CATSPERE: variants seen among roughly 807,000 people sequenced by gnomAD.
CATSPERE encodes the protein catsper channel auxiliary subunit epsilon.
Under a neutral mutation model 114.1 loss-of-function variants are expected in CATSPERE, and 93 were observed. The ratio of observed to expected loss-of-function variants is 0.81; its 90% CI spans 0.69 to 0.97. The LOEUF (loss-of-function observed/expected upper bound fraction) is 0.97. Among genes scored for constraint, CATSPERE ranks in the 50% least tolerant of loss-of-function variants. CATSPERE has a pLI of 0.00. For synonymous variants in CATSPERE, 341 were observed against 384.1 expected (o/e 0.89, Z 1.31); for missense variants, 1,058 against 1,131.6 (o/e 0.93, Z 0.93).
At chr1:244,564,463 T>C (rs1038634274) in intron 10 of CATSPERE, among the ~76,000 whole-genome samples, 1 of 152,212 alleles carries the variant, frequency 6.6e-6, no homozygotes, top group Non-Finnish European at 1.5e-5. Context: ...AAGAGGTCCT[T>C]TACATCCCTT....
rs574584619 is a variant in CATSPERE, at chr1:244,510,002, T to TTTTG, written c.430-8587_430-8586insGTTT. On this transcript the variant is annotated intron_variant, in intron 7 of 21. Transcript: ENST00000366534. ...GTCACTCTAAGTAGCAGTTTATCGA[T>TTTTG]TTTATCTTTTTTAAAAATCAACTTT... 9.2e-5 allele frequency among the ~76,000 whole-genome samples: 14 copies of TTTTG among 152,256 alleles called. 1 individual carries two copies. In the South Asian group the frequency reaches 1.5e-3, roughly 16 times the overall value.
chr1:244,605,915 A>C (rs1323146626), intron 18 of CATSPERE, 121 bp downstream of exon 18: 1 of 568,554 alleles, frequency 1.8e-6, no homozygotes, highest in African/African-American at 1.9e-5. Context: ...TAGGAAAAAA[A>C]TCACCTCTAG....
At chr1:244,482,188 C>G (rs1041637122) in intron 5 of CATSPERE, among the ~76,000 whole-genome samples, 2 of 152,142 alleles carry the variant, frequency 1.3e-5, no homozygotes, top group Non-Finnish European at 2.9e-5. Flanking sequence ...ATAATGAGGC[C>G]TAGCATTGTG....
intron 20 of CATSPERE, 89 bp from the exon 21 acceptor site, chr1:244,635,400 T>C: frequency 1.1e-6 from 1 of 904,688 alleles, no homozygotes; most frequent in South Asian, 1.5e-5. Context: ...GGATTATATA[T>C]GGTTTGATTG....
At chr1:244,593,177 T>C (rs1305773968) in intron 15 of CATSPERE, among the ~76,000 whole-genome samples, 2 of 152,082 alleles carry the variant, frequency 1.3e-5, no homozygotes, top group Non-Finnish European at 2.9e-5. Context: ...TTTCTGAGAA[T>C]AGTACCAGAT....
upstream of CATSPERE, among the ~76,000 whole-genome samples, chr1:244,457,810 A>C (rs999881881): frequency 1.3e-5 from 2 of 152,226 alleles, no homozygotes; most frequent in African/African-American, 4.8e-5. Context: ...CTTATTTGGT[A>C]CAAAAATCAT....
At chr1:244,618,301 CA>C (rs1671655599) in intron 20 of CATSPERE, among the ~76,000 whole-genome samples, 1 of 152,006 alleles carries the variant, frequency 6.6e-6, no homozygotes, top group African/African-American at 2.4e-5. Flanking sequence ...CAAAGGAAGG[CA>C]GAAAGTGCTC....
Position 244,621,105 on chromosome 1 carries a change from AAT to A in CATSPERE, c.2648+3429_2648+3430del, listed in dbSNP as rs1282465091. 6.8e-3 allele frequency among the ~76,000 whole-genome samples: 404 copies of A among 58,990 alleles called. 29 individuals carry two copies. The highest frequency in any genetic ancestry group is 0.027 in the African/African-American group (388 of 14,544). 38.7% of individuals were successfully genotyped at this position (58,990 alleles called of 152,430 possible). A position where few individuals can be genotyped will look rare whatever the true frequency, so the allele number is the denominator to read the frequency against. On this transcript the variant is annotated intron_variant, in intron 20 of 21. Transcript: ENST00000366534. The stretch of plus-strand genomic sequence containing the variant: ...TATAAATATATATAAAATATATATA[AAT>A]ATATATATAATATATATATAAATAT...
intron 1 of CATSPERE, among the ~76,000 whole-genome samples, chr1:244,455,032 G>C (rs919235361): frequency 2.9e-4 from 44 of 152,222 alleles, no homozygotes; most frequent in South Asian, 4.2e-4. Flanking sequence ...TTTTAGGTTA[G>C]CCCTAAGAAT....
chr1:244,533,223 T>C (rs926783802), intron 8 of CATSPERE, among the ~76,000 whole-genome samples: 1 of 152,158 alleles, frequency 6.6e-6, no homozygotes, highest in African/African-American at 2.4e-5. Flanking sequence ...TTTTCCATTC[T>C]TTTATTTTCA....
At chr1:244,626,253 A>G (rs1673176892) in intron 20 of CATSPERE, among the ~76,000 whole-genome samples, 1 of 152,126 alleles carries the variant, frequency 6.6e-6, no homozygotes, top group African/African-American at 2.4e-5. Context: ...TTGGGAGGCC[A>G]AGGTGGGTGG....
At chr1:244,468,138 G>A (rs1355335690) in intron 2 of CATSPERE, among the ~76,000 whole-genome samples, 1 of 150,642 alleles carries the variant, frequency 6.6e-6, no homozygotes, top group African/African-American at 2.4e-5. Context: ...CTGTCACCCA[G>A]GCTGGAGTGC....
At chr1:244,632,962 T>A (rs914356953) in intron 20 of CATSPERE, among the ~76,000 whole-genome samples, 1 of 152,122 alleles carries the variant, frequency 6.6e-6, no homozygotes, top group African/African-American at 2.4e-5. Context: ...TAAACCATGC[T>A]AATAGTAGTC....
intron 8 of CATSPERE, among the ~76,000 whole-genome samples, chr1:244,544,704 T>C (rs1255884191): frequency 6.6e-6 from 1 of 152,214 alleles, no homozygotes; most frequent in Non-Finnish European, 1.5e-5. Context: ...CACGTCCCTA[T>C]TCAACTTATC....
intron 7 of CATSPERE, among the ~76,000 whole-genome samples, chr1:244,511,869 C>T (rs1675822818): frequency 6.6e-6 from 1 of 152,206 alleles, no homozygotes; most frequent in African/African-American, 2.4e-5. Context: ...ATCTCATTCT[C>T]TCCTGGCCTA....
At chr1:244,552,265 A>G in intron 8 of CATSPERE, 57 bp from the exon 9 acceptor site, 1 of 1,535,758 alleles carries the variant, frequency 6.5e-7, no homozygotes, top group Non-Finnish European at 8.7e-7. Flanking sequence ...TATCAACTGT[A>G]CAAGATGGAT....
intron 8 of CATSPERE, among the ~76,000 whole-genome samples, chr1:244,523,367 C>T (rs916176769): frequency 1.4e-5 from 2 of 143,398 alleles, no homozygotes; most frequent in Non-Finnish European, 3.0e-5. Context: ...ATGACAAAGC[C>T]ACAGCCAATA....
intron 1 of CATSPERE, among the ~76,000 whole-genome samples, chr1:244,454,835 C>T (rs1665984527): frequency 6.6e-6 from 1 of 151,924 alleles, no homozygotes; most frequent in South Asian, 2.1e-4. Flanking sequence ...GGTTTAGGAC[C>T]CCTATAAGCC....
In CATSPERE at chr1:244,639,913, T is replaced by C; in HGVS notation, c.2703-15T>C. On this transcript the variant is annotated splice_polypyrimidine_tract_variant and intron_variant, in intron 21 of 21. Transcript: ENST00000366534. ...AATGACTTCTAATGCCTTTTTTTTT[T>C]TTTTCTGATTTCAGTCCAAGTGTCT... The C allele has an allele frequency of 6.5e-7, 1 of 1,527,650 alleles. No individual in the cohort carries two copies. 94.6% of individuals were successfully genotyped at this position (1,527,650 alleles called of 1,614,324 possible).
Sources: allele counts gnomAD v4.1 joint callset (sites outside exome capture counted in the v4.1 genomes callset), GRCh38; gene constraint gnomAD v4.1.1; transcripts MANE v1.5; gene names NCBI Gene and HGNC (gene_info 2026-07-23, HGNC 2026-07-21).